The following ABCB5 variants were observed in gnomAD, a reference collection of about 807,000 sequenced individuals.
The protein encoded by ABCB5 is ATP binding cassette subfamily B member 5.
In ABCB5, 155 loss-of-function variants were observed where a neutral mutation model predicts 144.2. That is an observed-to-expected ratio of 1.08 (90% CI 0.94 to 1.23). The LOEUF (loss-of-function observed/expected upper bound fraction) is 1.23. ABCB5 is among the 50% of genes most tolerant of loss of function. The pLI, the probability that ABCB5 is intolerant of heterozygous loss-of-function variation, is 0.00. For synonymous variants in ABCB5, 610 were observed against 528.6 expected (o/e 1.15, Z -2.11); for missense variants, 1,830 against 1,520.8 (o/e 1.20, Z -3.38).
chr7:20,640,947 T>A (rs1243729116), intron 5 of ABCB5, among the ~76,000 whole-genome samples: 2 of 152,160 alleles, frequency 1.3e-5, no homozygotes, highest in Non-Finnish European at 2.9e-5. Context: ...GGCCCTCTTC[T>A]CTTCTTTTCC....
At chr7:20,627,871 G>T (rs942638045) in intron 3 of ABCB5, among the ~76,000 whole-genome samples, 5 of 152,166 alleles carry the variant, frequency 3.3e-5, no homozygotes, top group Non-Finnish European at 7.4e-5. Flanking sequence ...CATAAACTAA[G>T]ATATTGTTGT....
intron 14 of ABCB5, among the ~76,000 whole-genome samples, chr7:20,663,802 G>A (rs886438688): frequency 2.9e-5 from 4 of 140,246 alleles, no homozygotes; most frequent in Non-Finnish European, 4.5e-5. Context: ...TGCAACCTCC[G>A]CCTCTCAGGT....
intron 16 of ABCB5, among the ~76,000 whole-genome samples, chr7:20,688,956 A>G (rs1171477409): frequency 4.0e-5 from 6 of 150,306 alleles, no homozygotes; most frequent in South Asian, 2.1e-4. Flanking sequence ...ATCACACACC[A>G]GGGTCTGTGG....
intron 16 of ABCB5, among the ~76,000 whole-genome samples, chr7:20,693,341 G>C (rs1786297785): frequency 6.6e-6 from 1 of 151,834 alleles, no homozygotes; most frequent in Non-Finnish European, 1.5e-5. Flanking sequence ...ACCCCATGTT[G>C]GGTAACAGAA....
At chr7:20,715,596 G>A (rs1781647669) in intron 20 of ABCB5, among the ~76,000 whole-genome samples, 1 of 151,954 alleles carries the variant, frequency 6.6e-6, no homozygotes, top group African/African-American at 2.4e-5. Context: ...TTTATGTAGA[G>A]ACAGAGTCTT....
chr7:20,669,806 C>T (rs1302927128), intron 14 of ABCB5, among the ~76,000 whole-genome samples: 5 of 137,628 alleles, frequency 3.6e-5, no homozygotes, highest in Admixed American at 3.5e-4. Context: ...TAAATATGAG[C>T]CAGTAGGCTA....
intron 23 of ABCB5, among the ~76,000 whole-genome samples, chr7:20,738,612 C>G (rs1782462554): frequency 6.6e-6 from 1 of 152,214 alleles, no homozygotes; most frequent in African/African-American, 2.4e-5. Context: ...ATCCAGATCT[C>G]ACTACTGGAG....
chr7:20,709,804 G>A (rs1011168997), intron 20 of ABCB5, among the ~76,000 whole-genome samples: 1 of 149,648 alleles, frequency 6.7e-6, no homozygotes, highest in African/African-American at 2.5e-5. Context: ...GATAAGGCTG[G>A]GCAAGGTGGC....
chr7:20,694,779 A>G (rs1206890354), intron 16 of ABCB5, among the ~76,000 whole-genome samples: 1 of 152,040 alleles, frequency 6.6e-6, no homozygotes, highest in Non-Finnish European at 1.5e-5. Flanking sequence ...ACTAAAATCA[A>G]TCCCAATTCT....
intron 26 of ABCB5, among the ~76,000 whole-genome samples, chr7:20,747,293 C>CA (rs1782757701): frequency 6.6e-6 from 1 of 152,158 alleles, no homozygotes; most frequent in South Asian, 2.1e-4. Flanking sequence ...TCCTTTGAGA[C>CA]AAGGCCTCAC....
At chr7:20,703,111 A>G (rs1786690864) in intron 19 of ABCB5, among the ~76,000 whole-genome samples, 1 of 152,162 alleles carries the variant, frequency 6.6e-6, no homozygotes, top group Non-Finnish European at 1.5e-5. Context: ...AGAATCAGGA[A>G]TGTAATATTC....
intron 12 of ABCB5, among the ~76,000 whole-genome samples, chr7:20,650,472 G>A (rs920190773): frequency 6.6e-6 from 1 of 151,944 alleles, no homozygotes; most frequent in Non-Finnish European, 1.5e-5. Flanking sequence ...ATGTTGTGGA[G>A]AAAAATAGCG....
chr7:20,642,027 C>A, intron 5 of ABCB5: 1 of 152,390 alleles, frequency 6.6e-6, no homozygotes. Flanking sequence ...TTCTTCTCAC[C>A]TTGGCCAGGG....
In ABCB5 at chr7:20,697,168, G is replaced by A. The variant is rs868555955; in HGVS notation, c.2011-1239G>A. ...AGAAAACTTCAGCAGGAAAAATGAT[G>A]GATACAATCAAATTATTAAGTAATC... On this transcript the variant is annotated intron_variant, in intron 16 of 27. Transcript: ENST00000404938. Among the ~76,000 whole-genome samples, 11 of 152,206 alleles carry A rather than the reference G, an allele frequency of 7.2e-5. No homozygotes were observed. The Middle Eastern group carries it at 0.01, about 141-fold the overall frequency.
intron 13 of ABCB5, among the ~76,000 whole-genome samples, chr7:20,653,714 C>A (rs968848057): frequency 6.6e-6 from 1 of 152,088 alleles, no homozygotes; most frequent in Non-Finnish European, 1.5e-5. Flanking sequence ...TCACCTGTGG[C>A]GATGAGGCAG....
chr7:20,672,249 T>C (rs1785473756), intron 14 of ABCB5, among the ~76,000 whole-genome samples: 1 of 152,192 alleles, frequency 6.6e-6, no homozygotes, highest in Non-Finnish European at 1.5e-5. Flanking sequence ...TTCTCCTGAT[T>C]CTAGGGCTTG....
intron 4 of ABCB5, among the ~76,000 whole-genome samples, chr7:20,629,623 A>G (rs983848840): frequency 1.5e-4 from 23 of 152,024 alleles, no homozygotes; most frequent in African/African-American, 5.3e-4. Flanking sequence ...TTAGCCAGCC[A>G]TGGTAGCAGG....
At chr7:20,696,645 G>A (rs548141294) in intron 16 of ABCB5, among the ~76,000 whole-genome samples, 1 of 152,062 alleles carries the variant, frequency 6.6e-6, no homozygotes, top group Admixed American at 6.6e-5. Context: ...GAATATTTTA[G>A]ATATCACTTT....
Position 20,648,056 on chromosome 7 carries a change from A to G in ABCB5, c.1184A>G (p.Tyr395Cys). The change falls in exon 11 of 28, where the codon TAT becomes TGT. Residue 395 changes from tyrosine (Y) to cysteine (C), a missense_variant. Tyr to Cys is a radical substitution (Grantham distance 194, BLOSUM62 -2). Coordinates refer to ENST00000404938, the MANE Select transcript of ABCB5 (RefSeq NM_001163941.2). Reference sequence around the variant, plus strand: ...GAATTTAAAAATGTTTCTTTCAATTATCCATCAAGACCATCTATCAAGGTA... The same window carrying G: ...GAATTTAAAAATGTTTCTTTCAATTGTCCATCAAGACCATCTATCAAGGTA... ...TVEFKNVSFN[Y>C]PSRPSIKILK... 1 of 1,601,022 alleles carries G rather than the reference A, an allele frequency of 6.2e-7. No individual in the cohort carries two copies.
Sources: allele counts gnomAD v4.1 joint callset (sites outside exome capture counted in the v4.1 genomes callset), GRCh38; gene constraint gnomAD v4.1.1; transcripts MANE v1.5; gene names NCBI Gene and HGNC (gene_info 2026-07-23, HGNC 2026-07-21).